Variants in LTBP2 observed in about 807,000 individuals in gnomAD.
The protein encoded by LTBP2 is latent transforming growth factor beta binding protein 2, also known as latent-transforming growth factor beta-binding protein 2.
Under a neutral mutation model 210.6 loss-of-function variants are expected in LTBP2, and 103 were observed. That is an observed-to-expected ratio of 0.49 (90% confidence interval 0.42 to 0.58). The LOEUF (loss-of-function observed/expected upper bound fraction) is 0.58. Ranked by LOEUF, LTBP2 falls within the 20% of genes least tolerant of loss-of-function variation. The pLI, the probability that LTBP2 is intolerant of heterozygous loss-of-function variation, is 0.00. For synonymous variants in LTBP2, 1,007 were observed against 1,015.0 expected (o/e 0.99, Z 0.15); for missense variants, 2,313 against 2,494.5 (o/e 0.93, Z 1.55).
rs758509156 is a variant in LTBP2, at chr14:74,547,742, G to A, written c.1789+2121C>T. 6.4e-4 allele frequency among the ~76,000 whole-genome samples: 97 copies of A among 152,086 alleles called. 1 individual carries two copies. The highest frequency in any genetic ancestry group is 1.3e-3 in the Non-Finnish European group (86 of 67,986). The stretch of plus-strand genomic sequence containing the variant: ...AGGGCAGGTCAGCACCTTGGTCAGC[G>A]CAGCAGGTACTGCATGCCCCTCAGA... On this transcript the variant is annotated intron_variant, in intron 8 of 35. Coordinates refer to ENST00000261978, the MANE Select transcript of LTBP2 (RefSeq NM_000428.3).
chr14:74,545,203 T>C (rs2087562304), intron 8 of LTBP2, among the ~76,000 whole-genome samples: 1 of 152,144 alleles, frequency 6.6e-6, no homozygotes, highest in Non-Finnish European at 1.5e-5. Context: ...CATACTGTGG[T>C]TGGAATCCTG....
chr14:74,551,930 G>T (rs984018272), intron 6 of LTBP2, among the ~76,000 whole-genome samples: 1 of 152,194 alleles, frequency 6.6e-6, no homozygotes, highest in Admixed American at 6.5e-5. Flanking sequence ...GCGGCACCCT[G>T]CCCTTACACT....
At chr14:74,549,327 TGAA>T (rs1293557282) in intron 8 of LTBP2, among the ~76,000 whole-genome samples, 18 of 152,208 alleles carry the variant, frequency 1.2e-4, no homozygotes, top group African/African-American at 3.9e-4. Flanking sequence ...AATGAATGAA[TGAA>T]TGAATTAACA....
rs115156235 is a variant in LTBP2 at position 74,610,139 on chromosome 14, C to T, written c.494+1312G>A. Among the ~76,000 whole-genome samples the T allele has an allele frequency of 7.1e-3, 1,085 of 152,296 alleles. 10 individuals are homozygous for T. The highest frequency in any genetic ancestry group is 0.025 in the African/African-American group (1,031 of 41,540). ...ACAAGAGACACAGAAATGGACACAA[C>T]GAAGTCCCTGTTTGCATAGAGCTTG... On this transcript the variant is annotated intron_variant, in intron 1 of 35. Transcript: ENST00000261978.
Position 74,611,827 on chromosome 14 carries a change from C to A in LTBP2, c.118G>T (p.Val40Leu), listed in dbSNP as rs879740508. Residue 40 changes from valine (V) to leucine (L), a missense_variant, in exon 1 of 36, where the codon GTA (valine) becomes TTA (leucine). Transcript: ENST00000261978. ...CCACCAGCCGGCTCGTATCTCCCTA[C>A]GGGGTCCCTTTGGGCATGACCCGCG... ...VGAGHAQRDPVGRYEPAGGDA... is the reference protein window; with the variant it reads ...VGAGHAQRDPLGRYEPAGGDA... 2 of 1,611,640 alleles carry A rather than the reference C, an allele frequency of 1.2e-6. No homozygotes were observed. Among genetic ancestry groups the A allele is most frequent in the East Asian group, 4.5e-5 (2 of 44,854 alleles).
In LTBP2 at chr14:74,505,123, C is replaced by A. The variant is rs543585255; in HGVS notation, c.4229G>T (p.Arg1410Leu). The A allele has an allele frequency of 5.6e-6, 9 of 1,613,624 alleles. No individual in the cohort carries two copies. Among genetic ancestry groups the A allele is most frequent in the African/African-American group, 1.3e-5 (1 of 74,922 alleles). The part of the protein sequence containing the change: ...PTGDHAPAPT[R>L]MDCYSGQKGH... ...CTTCTGCCCGGAGTAGCAGTCCATG[C>A]GGGTGGGGGCCGGGGCATGGTCCCC... Residue 1410 changes from arginine to leucine, a missense_variant, in exon 29 of 36, where the codon CGC (arginine) becomes CTC (leucine). Physicochemically the swap from Arg to Leu is moderately radical, Grantham distance 102. This residue lies in a region of LTBP2 where 1,867 missense variants were observed against 1,976.9 expected (regional missense o/e 0.94). Coordinates refer to ENST00000261978, the MANE Select transcript of LTBP2 (RefSeq NM_000428.3).
chr14:74,532,440 C>A lies in LTBP2; in HGVS notation c.1973G>T (p.Arg658Leu). 1 of 1,614,112 alleles carries A rather than the reference C, an allele frequency of 6.2e-7. No individual in the cohort carries two copies. The highest frequency in any genetic ancestry group is 8.5e-7 in the Non-Finnish European group (1 of 1,180,010). Residue 658 changes from arginine (R) to leucine (L), a missense_variant, in exon 10 of 36, where the codon CGG becomes CTG. Arg to Leu is a moderately radical substitution (Grantham distance 102). Transcript: ENST00000261978. ...CRPGLMLDPSRSRCVSDKAIS... is the reference protein window; with the variant it reads ...CRPGLMLDPSLSRCVSDKAIS... ...CCAGCACTCACACACACAGCGGCTC[C>A]GCGATGGATCCAGCATGAGGCCAGG...
At chr14:74,552,431 A>G (rs1462479107) in intron 5 of LTBP2, 38 bp from the exon 6 acceptor site, 1 of 1,578,778 alleles carries the variant, frequency 6.3e-7, no homozygotes, top group Admixed American at 1.7e-5. Flanking sequence ...GCGGTGGAAG[A>G]ACAGCAGCAC....
intron 1 of LTBP2, among the ~76,000 whole-genome samples, chr14:74,604,299 G>T (rs546388893): frequency 1.3e-5 from 2 of 151,952 alleles, no homozygotes; most frequent in African/African-American, 4.8e-5. Context: ...ACCTGCCAAC[G>T]AATGCACACT....
chr14:74,600,135 G>A (rs1473624794), intron 2 of LTBP2, among the ~76,000 whole-genome samples: 1 of 152,164 alleles, frequency 6.6e-6, no homozygotes, highest in Non-Finnish European at 1.5e-5. Context: ...TCTGGATGAA[G>A]CCATCCAGTG....
chr14:74,596,145 A>C (rs2088356859), intron 2 of LTBP2, among the ~76,000 whole-genome samples: 1 of 152,060 alleles, frequency 6.6e-6, no homozygotes, highest in African/African-American at 2.4e-5. Context: ...GAACTGCTTG[A>C]ACCTGGGAGG....
chr14:74,542,733 G>A (rs1462863710), intron 8 of LTBP2, among the ~76,000 whole-genome samples: 1 of 151,654 alleles, frequency 6.6e-6, no homozygotes, highest in African/African-American at 2.4e-5. Context: ...GACTACCTGT[G>A]TGACCTGGGG....
At chr14:74,602,542 C>T (rs946089843) in intron 2 of LTBP2, among the ~76,000 whole-genome samples, 8 of 152,230 alleles carry the variant, frequency 5.3e-5, no homozygotes, top group African/African-American at 1.7e-4. Context: ...CCTAGCTCTG[C>T]ACTTCCTGAC....
intron 1 of LTBP2, among the ~76,000 whole-genome samples, chr14:74,604,869 T>C (rs1389943273): frequency 6.6e-6 from 1 of 152,052 alleles, no homozygotes; most frequent in African/African-American, 2.4e-5. Context: ...TTCACTCAGC[T>C]CCCCAAACTT....
chr14:74,594,190 A>G (rs1259741937), intron 2 of LTBP2, among the ~76,000 whole-genome samples: 1 of 152,036 alleles, frequency 6.6e-6, no homozygotes, highest in African/African-American at 2.4e-5. Flanking sequence ...GGTGTCAAAT[A>G]TAGCCAGGCC....
Position 74,523,025 on chromosome 14 carries a change from G to A in LTBP2, c.2531-107C>T, listed in dbSNP as rs914071688. On this transcript the variant is annotated intron_variant, in intron 15 of 35. Transcript: ENST00000261978. ...GGCCAGGGTCTAGGGGCCTCAGAAG[G>A]CCAACCTTAGCCAGGCCCTCCCTCC... The A allele has an allele frequency of 3.0e-6, 4 of 1,339,562 alleles. No individual in the cohort carries two copies. The East Asian group carries it at 9.7e-5, about 33-fold the overall frequency. 83.0% of individuals were successfully genotyped at this position (1,339,562 alleles called of 1,614,324 possible).
intron 4 of LTBP2, among the ~76,000 whole-genome samples, chr14:74,554,533 C>T (rs10135318): frequency 0.015 from 2,241 of 152,172 alleles, 67 homozygotes; most frequent in African/African-American, 0.051. Flanking sequence ...GAAAATGTAA[C>T]GCTAAGTGAA....
chr14:74,513,660 G>A (rs889141587), intron 18 of LTBP2, among the ~76,000 whole-genome samples: 4 of 152,166 alleles, frequency 2.6e-5, no homozygotes, highest in South Asian at 2.1e-4. Flanking sequence ...AAAATTAGCC[G>A]GGTGTGGTGG....
chr14:74,564,085 ATTTATATATATATTTATATATATATT>A (rs2087838353), intron 3 of LTBP2, among the ~76,000 whole-genome samples: 1 of 41,974 alleles, frequency 2.4e-5, no homozygotes, highest in African/African-American at 1.1e-4. Context: ...TTATATATAT[ATTTATATATATATTTATATATATATT>A]TATATATATA....
Sources: gnomAD v4.1 joint callset for allele counts (sites outside exome capture counted in the v4.1 genomes callset) on GRCh38, gnomAD v4.1.1 for gene constraint, gnomAD v4.1.1 regional missense constraint, MANE v1.5 for transcripts, NCBI Gene and HGNC (gene_info 2026-07-23, HGNC 2026-07-21) for gene names.